The following NRXN1 variants were observed in gnomAD, a reference collection of about 807,000 sequenced individuals.
The protein encoded by NRXN1 is neurexin-1.
In NRXN1, 39 loss-of-function variants were observed where a neutral mutation model predicts 150.9. The ratio of observed to expected loss-of-function variants is 0.26; its 90% CI spans 0.20 to 0.34. The LOEUF is 0.34. Among genes scored for constraint, NRXN1 ranks in the 10% least tolerant of loss-of-function variants. NRXN1 has a pLI of 1.00. For missense variants in NRXN1, 1,815 were observed against 1,949.9 expected (o/e 0.93, Z 1.30); for synonymous variants, 924 against 757.0 (o/e 1.22, Z -3.62).
rs572758147 is a variant in NRXN1 at position 50,829,999 on chromosome 2, G to GAAAAAAAAAAA, written c.832+91859_832+91869dup. On this transcript the variant is annotated intron_variant, in intron 5 of 22. Coordinates refer to ENST00000401669, the MANE Select transcript of NRXN1 (RefSeq NM_001330078.2). ...GGAACCCAAAGAATACTGCCTGCTG[G>GAAAAAAAAAAA]AAAAAAAAAAAAAAAAAAAAAAAAA... Among the ~76,000 whole-genome samples the GAAAAAAAAAAA allele has an allele frequency of 9.5e-3, 555 of 58,164 alleles. 46 individuals carry two copies. Among genetic ancestry groups the GAAAAAAAAAAA allele is most frequent in the Middle Eastern group, 0.023 (2 of 86 alleles). The allele number at this position is 58,164 out of a possible 152,430, so 38.2% of individuals were successfully genotyped here.
intron 18 of NRXN1, among the ~76,000 whole-genome samples, chr2:50,110,138 G>A (rs1489723975): frequency 6.6e-6 from 1 of 152,132 alleles, no homozygotes; most frequent in African/African-American, 2.4e-5. Context: ...GTAGGACACA[G>A]GGAAAAGCAA....
At chr2:50,837,978 C>A (rs66739847) in intron 5 of NRXN1, among the ~76,000 whole-genome samples, 14,036 of 152,102 alleles carry the variant, frequency 0.092, 753 homozygotes, top group Admixed American at 0.091. Flanking sequence ...TGATATTCTG[C>A]ATTGCTGGCC....
intron 5 of NRXN1, among the ~76,000 whole-genome samples, chr2:50,857,389 AT>A (rs1287846689): frequency 6.6e-6 from 1 of 152,048 alleles, no homozygotes; most frequent in Non-Finnish European, 1.5e-5. Flanking sequence ...GTCTAGCACT[AT>A]TTTTTTATGT....
intron 17 of NRXN1, among the ~76,000 whole-genome samples, chr2:50,421,727 T>C (rs749687718): frequency 6.6e-6 from 1 of 152,172 alleles, no homozygotes; most frequent in East Asian, 1.9e-4. Context: ...ATGTATTTTG[T>C]AGCTAAACAA....
At chr2:50,404,524 A>G (rs536133093) in intron 17 of NRXN1, among the ~76,000 whole-genome samples, 14 of 152,176 alleles carry the variant, frequency 9.2e-5, no homozygotes, top group African/African-American at 3.1e-4. Flanking sequence ...GAAGTGGGAG[A>G]TATTTCAGGA....
chr2:50,487,011 A>C (rs2090921437), intron 15 of NRXN1, among the ~76,000 whole-genome samples: 1 of 152,182 alleles, frequency 6.6e-6, no homozygotes, highest in African/African-American at 2.4e-5. Context: ...AATAATTTCT[A>C]TTTAGTATTA....
At chr2:50,424,530 G>C (rs1220607323) in intron 17 of NRXN1, among the ~76,000 whole-genome samples, 1 of 151,982 alleles carries the variant, frequency 6.6e-6, no homozygotes, top group Non-Finnish European at 1.5e-5. Context: ...GGAGAATATG[G>C]GTCTACCTAA....
At chr2:50,438,192 G>A (rs1467930899) in intron 17 of NRXN1, among the ~76,000 whole-genome samples, 1 of 152,194 alleles carries the variant, frequency 6.6e-6, no homozygotes, top group African/African-American at 2.4e-5. Flanking sequence ...CTGACTTCCA[G>A]TAGGATCAAA....
intron 2 of NRXN1, among the ~76,000 whole-genome samples, chr2:50,974,658 G>T (rs184748791): frequency 6.6e-6 from 1 of 151,798 alleles, no homozygotes; most frequent in Non-Finnish European, 1.5e-5. Context: ...TGTAATTCCT[G>T]GGTAGCTTTT....
At chr2:50,985,549 A>T (rs931911616) in intron 2 of NRXN1, 4 of 151,876 alleles carry the variant, frequency 2.6e-5, no homozygotes, top group African/African-American at 9.7e-5. Flanking sequence ...GAACTCAGAA[A>T]TATTAATATC....
At chr2:50,366,151 AC>A (rs2079563971) in intron 17 of NRXN1, among the ~76,000 whole-genome samples, 1 of 117,838 alleles carries the variant, frequency 8.5e-6, no homozygotes, top group African/African-American at 3.2e-5. Context: ...TCGGCTGGAC[AC>A]TTTTTTTTTT....
chr2:50,674,073 T>C (rs1689213051), intron 5 of NRXN1, among the ~76,000 whole-genome samples: 2 of 152,028 alleles, frequency 1.3e-5, no homozygotes, highest in Admixed American at 1.3e-4. Context: ...ATTCTGCACA[T>C]GTACCCCAGA....
intron 18 of NRXN1, among the ~76,000 whole-genome samples, chr2:50,140,187 G>T (rs1442499247): frequency 6.6e-6 from 1 of 152,114 alleles, no homozygotes; most frequent in Non-Finnish European, 1.5e-5. Flanking sequence ...ACTTTAAAAT[G>T]ATTATTATTA....
chr2:50,814,664 G>A (rs921407120), intron 5 of NRXN1, among the ~76,000 whole-genome samples: 1 of 151,904 alleles, frequency 6.6e-6, no homozygotes, highest in African/African-American at 2.4e-5. Context: ...TATACTTCCT[G>A]CAAATATTAC....
chr2:49,948,356 C>T (rs1179597410), intron 21 of NRXN1, among the ~76,000 whole-genome samples: 1 of 152,038 alleles, frequency 6.6e-6, no homozygotes, highest in African/African-American at 2.4e-5. Flanking sequence ...AGATGTCATA[C>T]AATGGTACTT....
At chr2:50,716,297 C>T (rs1473854916) in intron 5 of NRXN1, among the ~76,000 whole-genome samples, 1 of 152,058 alleles carries the variant, frequency 6.6e-6, no homozygotes, top group African/African-American at 2.4e-5. Context: ...AAGGCTACCA[C>T]AGATTAAAAA....
chr2:50,685,768 T>C (rs571780512), intron 5 of NRXN1, among the ~76,000 whole-genome samples: 2 of 152,278 alleles, frequency 1.3e-5, no homozygotes, highest in Non-Finnish European at 2.9e-5. Context: ...GTTCTTATTT[T>C]GAACCTAAAA....
At chr2:49,939,362 AC>A (rs1382932932) in intron 22 of NRXN1, among the ~76,000 whole-genome samples, 1 of 152,188 alleles carries the variant, frequency 6.6e-6, no homozygotes, top group Non-Finnish European at 1.5e-5. Context: ...TAACATTGTT[AC>A]CAATAGCTGG....
chr2:50,092,911 T>A (rs1699775290), intron 18 of NRXN1, among the ~76,000 whole-genome samples: 1 of 152,168 alleles, frequency 6.6e-6, no homozygotes, highest in African/African-American at 2.4e-5. Flanking sequence ...TTAACTTTTT[T>A]AAAAAATCAC....
Sources: allele counts gnomAD v4.1 joint callset (sites outside exome capture counted in the v4.1 genomes callset), GRCh38; gene constraint gnomAD v4.1.1; transcripts MANE v1.5; gene names NCBI Gene and HGNC (gene_info 2026-07-23, HGNC 2026-07-21).